The following DIS3L2 variants were observed in gnomAD, a reference collection of about 807,000 sequenced individuals.
The protein encoded by DIS3L2 is DIS3-like exonuclease 2.
DIS3L2 carries 34 observed loss-of-function variants against 97.5 expected under a neutral mutation model. The observed-to-expected ratio is 0.35, with a 90% confidence interval of 0.27 to 0.46. DIS3L2 has a LOEUF of 0.46. Ranked by LOEUF, DIS3L2 falls within the 20% of genes least tolerant of loss-of-function variation. DIS3L2 has a pLI of 1.00. For synonymous variants in DIS3L2, 435 were observed against 445.2 expected (o/e 0.98, Z 0.29); for missense variants, 1,038 against 1,146.0 (o/e 0.91, Z 1.36).
intron 1 of DIS3L2, among the ~76,000 whole-genome samples, chr2:231,993,269 A>G (rs944103802): frequency 3.3e-5 from 5 of 152,040 alleles, no homozygotes; most frequent in Non-Finnish European, 7.4e-5. Flanking sequence ...CTTGGAGTGC[A>G]GTGGTACGAT....
chr2:232,333,732 G>A, intron 16 of DIS3L2, 108 bp from the exon 17 acceptor site: 1 of 1,448,558 alleles, frequency 6.9e-7, no homozygotes, highest in Admixed American at 2.4e-5. Flanking sequence ...AGCCCATTAG[G>A]TCTGTCCACA....
intron 3 of DIS3L2, 21 bp from the exon 4 acceptor site, chr2:232,024,256 A>T (rs1694596808): frequency 1.3e-6 from 2 of 1,553,648 alleles, no homozygotes; most frequent in Admixed American, 4.0e-5. Flanking sequence ...ATTTTCACAA[A>T]CTTTATTTTT....
At chr2:232,016,527 C>T (rs770112767) in intron 3 of DIS3L2, among the ~76,000 whole-genome samples, 2 of 152,010 alleles carry the variant, frequency 1.3e-5, no homozygotes, top group Non-Finnish European at 2.9e-5. Context: ...TGGTGACCCT[C>T]GTGGTAGGTA....
chr2:232,090,684 A>G (rs535359382), intron 6 of DIS3L2, among the ~76,000 whole-genome samples: 7 of 152,330 alleles, frequency 4.6e-5, no homozygotes, highest in African/African-American at 1.7e-4. Flanking sequence ...AGACTTCTAG[A>G]AAGGTTCTTT....
intron 6 of DIS3L2, among the ~76,000 whole-genome samples, chr2:232,115,473 C>T (rs920878600): frequency 6.6e-6 from 1 of 152,150 alleles, no homozygotes; most frequent in Non-Finnish European, 1.5e-5. Context: ...ATCAGCTCCA[C>T]GTGGGATGTT....
intron 5 of DIS3L2, among the ~76,000 whole-genome samples, chr2:232,079,040 T>C (rs1008220123): frequency 6.6e-6 from 1 of 152,246 alleles, no homozygotes; most frequent in Non-Finnish European, 1.5e-5. Context: ...TGAGTACTAC[T>C]GTGTGCCAGG....
chr2:232,173,698 C>A (rs1031973906), intron 9 of DIS3L2, among the ~76,000 whole-genome samples: 1 of 152,112 alleles, frequency 6.6e-6, no homozygotes, highest in Non-Finnish European at 1.5e-5. Flanking sequence ...CAAGATGATT[C>A]TTTCTTCATG....
chr2:232,168,675 C>A (rs1490713319), intron 9 of DIS3L2, among the ~76,000 whole-genome samples: 1 of 152,028 alleles, frequency 6.6e-6, no homozygotes, highest in African/African-American at 2.4e-5. Context: ...ATCTGTACAC[C>A]TCACCTACCA....
At chr2:232,243,646 A>G (rs1188797491) in intron 11 of DIS3L2, among the ~76,000 whole-genome samples, 1 of 152,210 alleles carries the variant, frequency 6.6e-6, no homozygotes, top group African/African-American at 2.4e-5. Flanking sequence ...CTAGTGCCAA[A>G]TGGACATTCT....
intron 8 of DIS3L2, among the ~76,000 whole-genome samples, chr2:232,162,032 A>G (rs950269802): frequency 2.0e-5 from 3 of 152,132 alleles, no homozygotes; most frequent in Non-Finnish European, 2.9e-5. Context: ...CAGCCTCCCA[A>G]AGTGCTAGGA....
intron 5 of DIS3L2, among the ~76,000 whole-genome samples, chr2:232,065,351 T>G (rs1695825314): frequency 6.6e-6 from 1 of 152,078 alleles, no homozygotes; most frequent in Non-Finnish European, 1.5e-5. Flanking sequence ...GTTTGAATTT[T>G]CACTTTTTGG....
intron 13 of DIS3L2, among the ~76,000 whole-genome samples, chr2:232,280,585 C>T (rs1203498180): frequency 6.6e-6 from 1 of 152,152 alleles, no homozygotes; most frequent in Non-Finnish European, 1.5e-5. Flanking sequence ...GTTATGACTG[C>T]CATTGGAATG....
At chr2:232,314,711 C>G (rs1695223568) in intron 14 of DIS3L2, among the ~76,000 whole-genome samples, 1 of 152,198 alleles carries the variant, frequency 6.6e-6, no homozygotes, top group Non-Finnish European at 1.5e-5. Flanking sequence ...TCCTGTCTGT[C>G]ACGTTGCCAT....
chr2:231,972,608 A>G (rs1329888452), intron 1 of DIS3L2, among the ~76,000 whole-genome samples: 1 of 152,160 alleles, frequency 6.6e-6, no homozygotes, highest in Non-Finnish European at 1.5e-5. Context: ...CAGTGGTGCA[A>G]TCTCAGCTCA....
At chr2:232,029,853 T>C in intron 4 of DIS3L2, 126 bp from the exon 5 acceptor site, 1 of 667,772 alleles carries the variant, frequency 1.5e-6, no homozygotes, top group Non-Finnish European at 2.5e-6. Flanking sequence ...ATGCTTTATT[T>C]AATACGAAAA....
At chr2:232,156,294 A>G (rs1281873404) in intron 8 of DIS3L2, among the ~76,000 whole-genome samples, 3 of 152,008 alleles carry the variant, frequency 2.0e-5, no homozygotes, top group Non-Finnish European at 4.4e-5. Flanking sequence ...AGGTCTAAAA[A>G]CCTAGTTTTT....
At chr2:232,077,352 T>C (rs1174323942) in intron 5 of DIS3L2, among the ~76,000 whole-genome samples, 1 of 151,024 alleles carries the variant, frequency 6.6e-6, no homozygotes, top group Non-Finnish European at 1.5e-5. Flanking sequence ...TTGGTAAAAC[T>C]AACTTCAGGA....
chr2:232,129,914 T>C (rs952343662), intron 6 of DIS3L2, among the ~76,000 whole-genome samples: 3 of 152,162 alleles, frequency 2.0e-5, no homozygotes, highest in Non-Finnish European at 4.4e-5. Flanking sequence ...TGTTTAGAAG[T>C]GTGTAATTTG....
chr2:232,332,739 G>C (rs1041139455), intron 16 of DIS3L2, among the ~76,000 whole-genome samples: 4 of 152,236 alleles, frequency 2.6e-5, no homozygotes, highest in Non-Finnish European at 5.9e-5. Flanking sequence ...GAAGGGCCGA[G>C]GCTGGCAGGC....
Sources: allele counts gnomAD v4.1 joint callset (sites outside exome capture counted in the v4.1 genomes callset), GRCh38; gene constraint gnomAD v4.1.1; transcripts MANE v1.5; gene names NCBI Gene and HGNC (gene_info 2026-07-23, HGNC 2026-07-21).